NDST3: variants seen among roughly 807,000 people sequenced by gnomAD.
NDST3 encodes N-deacetylase and N-sulfotransferase 3.
Under a neutral mutation model 96.1 loss-of-function variants are expected in NDST3, and 58 were observed. The observed-to-expected ratio is 0.60, with a 90% confidence interval of 0.49 to 0.75. The LOEUF (loss-of-function observed/expected upper bound fraction) is 0.75. Among genes scored for constraint, NDST3 ranks in the 30% least tolerant of loss-of-function variants. The pLI is 0.00. For missense variants in NDST3, 788 were observed against 1,034.2 expected (o/e 0.76, Z 3.27); for synonymous variants, 333 against 359.7 (o/e 0.93, Z 0.84).
chr4:118,035,243 T>G (rs185986765), intron 1 of NDST3, among the ~76,000 whole-genome samples: 1 of 152,282 alleles, frequency 6.6e-6, no homozygotes, highest in East Asian at 1.9e-4. Flanking sequence ...CAGAGTTATT[T>G]AATGTCGAAA....
intron 6 of NDST3, among the ~76,000 whole-genome samples, chr4:118,161,864 G>A (rs935080067): frequency 5.3e-5 from 8 of 152,052 alleles, no homozygotes; most frequent in Non-Finnish European, 8.8e-5. Context: ...GCTCACACAC[G>A]GTGCACTGCA....
chr4:118,211,619 G>A (rs1362157945), intron 6 of NDST3, among the ~76,000 whole-genome samples: 2 of 152,084 alleles, frequency 1.3e-5, no homozygotes, highest in Non-Finnish European at 2.9e-5. Context: ...GGGCTGACAA[G>A]GGTTCAGACT....
chr4:118,233,929 A>T (rs1740474673), intron 9 of NDST3, among the ~76,000 whole-genome samples: 1 of 152,242 alleles, frequency 6.6e-6, no homozygotes, highest in Non-Finnish European at 1.5e-5. Flanking sequence ...TTTTATAATT[A>T]TCAGCCCCCT....
At chr4:118,164,384 C>A (rs28631338) in intron 6 of NDST3, among the ~76,000 whole-genome samples, 58 of 152,174 alleles carry the variant, frequency 3.8e-4, no homozygotes, top group African/African-American at 1.3e-3. Flanking sequence ...AAAAATAACT[C>A]TTGGGTACCA....
intron 2 of NDST3, among the ~76,000 whole-genome samples, chr4:118,074,068 A>T (rs1168753442): frequency 6.6e-6 from 1 of 152,142 alleles, no homozygotes; most frequent in African/African-American, 2.4e-5. Flanking sequence ...CTTAATTTTC[A>T]TGTAATTGTA....
At chr4:118,191,490 C>G (rs2125965603) in intron 6 of NDST3, among the ~76,000 whole-genome samples, 1 of 152,184 alleles carries the variant, frequency 6.6e-6, no homozygotes, top group African/African-American at 2.4e-5. Context: ...AGGATGGAGT[C>G]CATTAAGGAA....
chr4:118,070,198 A>C (rs1268573463), intron 2 of NDST3, among the ~76,000 whole-genome samples: 1 of 152,162 alleles, frequency 6.6e-6, no homozygotes, highest in Non-Finnish European at 1.5e-5. Flanking sequence ...ATCATTGCTA[A>C]GGTCTCGACC....
intron 2 of NDST3, among the ~76,000 whole-genome samples, chr4:118,083,299 G>T (rs970361535): frequency 3.9e-5 from 6 of 152,110 alleles, no homozygotes; most frequent in African/African-American, 1.4e-4. Flanking sequence ...TAAACTAAAT[G>T]GAAATTCAAT....
chr4:118,061,347 A>G (rs140976753), intron 2 of NDST3, among the ~76,000 whole-genome samples: 137 of 152,000 alleles, frequency 9.0e-4, no homozygotes, highest in Non-Finnish European at 1.6e-3. Flanking sequence ...CAACCTCTAA[A>G]TCTCCCATCT....
intron 6 of NDST3, among the ~76,000 whole-genome samples, chr4:118,153,207 A>AT (rs1411286852): frequency 6.6e-6 from 1 of 152,198 alleles, no homozygotes; most frequent in Admixed American, 6.5e-5. Flanking sequence ...GTCTAAGTAG[A>AT]ATAAGTAGCT....
Position 118,054,097 on chromosome 4 carries a change from A to G in NDST3, c.187A>G (p.Met63Val). ...CCTCCAACACCTACCATATCAACTAATGGAAGTGAAAGCAATGAAGCTTTT... is the reference window on the plus strand; with the variant it reads ...CCTCCAACACCTACCATATCAACTAGTGGAAGTGAAAGCAATGAAGCTTTT... ...GDLQHLPYQLMEVKAMKLFDA... is the reference protein window; with the variant it reads ...GDLQHLPYQLVEVKAMKLFDA... The change falls in exon 2 of 14, where the codon ATG becomes GTG. Residue 63 changes from methionine to valine, a missense_variant. Physicochemically the swap from Met to Val is conservative, Grantham distance 21 (BLOSUM62 1). Transcript: ENST00000296499. The G allele has an allele frequency of 6.2e-7, 1 of 1,613,050 alleles. No individual in the cohort carries two copies. Among genetic ancestry groups the G allele is most frequent in the Non-Finnish European group, 8.5e-7 (1 of 1,179,342 alleles).
At chr4:118,040,843 ATTTATATATATATTTATATATT>A (rs1724403855) in intron 1 of NDST3, among the ~76,000 whole-genome samples, 1 of 139,622 alleles carries the variant, frequency 7.2e-6, no homozygotes, top group African/African-American at 2.6e-5. Flanking sequence ...TGTCCAACTA[ATTTATATATATATTTATATATT>A]TTTATATATA....
At chr4:118,149,797 AT>A (rs1472549473) in intron 6 of NDST3, among the ~76,000 whole-genome samples, 74 of 152,232 alleles carry the variant, frequency 4.9e-4, no homozygotes, top group African/African-American at 1.8e-3. Flanking sequence ...ACTATGTTGA[AT>A]AGGAGTGGTG....
At chr4:118,069,670 T>C (rs916955216) in intron 2 of NDST3, among the ~76,000 whole-genome samples, 3 of 152,040 alleles carry the variant, frequency 2.0e-5, no homozygotes, top group Non-Finnish European at 4.4e-5. Flanking sequence ...ATAGGTAAAA[T>C]TTTTTATTTC....
At chr4:118,134,612 A>G (rs1473356842) in intron 4 of NDST3, among the ~76,000 whole-genome samples, 1 of 152,196 alleles carries the variant, frequency 6.6e-6, no homozygotes, top group Non-Finnish European at 1.5e-5. Flanking sequence ...TGTCAAAACT[A>G]TCTATCTTTC....
chr4:118,051,849 A>G (rs1725098490), intron 1 of NDST3, among the ~76,000 whole-genome samples: 1 of 152,136 alleles, frequency 6.6e-6, no homozygotes, highest in Non-Finnish European at 1.5e-5. Context: ...CATCTACACC[A>G]GTCAGAATGG....
intron 5 of NDST3, among the ~76,000 whole-genome samples, chr4:118,139,021 A>G (rs1733351692): frequency 6.6e-6 from 1 of 152,210 alleles, no homozygotes; most frequent in Non-Finnish European, 1.5e-5. Context: ...ATGTCTGAAG[A>G]GATGTTTACC....
chr4:118,167,940 C>T (rs1735669723), intron 6 of NDST3, among the ~76,000 whole-genome samples: 1 of 151,988 alleles, frequency 6.6e-6, no homozygotes, highest in African/African-American at 2.4e-5. Flanking sequence ...AAAGTAAGAC[C>T]TGACACTGTA....
At chr4:118,168,321 A>G (rs1376642720) in intron 6 of NDST3, among the ~76,000 whole-genome samples, 3 of 152,050 alleles carry the variant, frequency 2.0e-5, no homozygotes, top group African/African-American at 7.2e-5. Context: ...AAAAGAAATT[A>G]TAGGTCAATG....
Sources: allele counts gnomAD v4.1 joint callset (sites outside exome capture counted in the v4.1 genomes callset), GRCh38; gene constraint gnomAD v4.1.1; transcripts MANE v1.5; gene names NCBI Gene and HGNC (gene_info 2026-07-23, HGNC 2026-07-21).